The following GAB2 variants were observed in gnomAD, a reference collection of about 807,000 sequenced individuals.
The protein encoded by GAB2 is GRB2 associated binding protein 2, also known as GRB2-associated-binding protein 2.
GAB2 carries 26 observed loss-of-function variants against 65.5 expected under a neutral mutation model. The ratio of observed to expected loss-of-function variants is 0.40; its 90% CI spans 0.29 to 0.55. GAB2 has a LOEUF of 0.55. Ranked by LOEUF, GAB2 falls within the 20% of genes least tolerant of loss-of-function variation. The pLI, the probability that GAB2 is intolerant of heterozygous loss-of-function variation, is 0.53. For missense variants in GAB2, 884 were observed against 875.8 expected (o/e 1.01, Z -0.12); for synonymous variants, 321 against 329.6 (o/e 0.97, Z 0.28).
chr11:78,289,938 G>C (rs534304251), intron 1 of GAB2, among the ~76,000 whole-genome samples: 11 of 147,414 alleles, frequency 7.5e-5, no homozygotes, highest in African/African-American at 2.8e-4. Context: ...ATATGGAAAA[G>C]AGGGAGGAAA....
At chr11:78,314,040 G>C (rs547105214) in intron 1 of GAB2, among the ~76,000 whole-genome samples, 1 of 152,178 alleles carries the variant, frequency 6.6e-6, no homozygotes, top group Non-Finnish European at 1.5e-5. Context: ...TTAGCCTCTG[G>C]ATGTGGGAGT....
rs113823183 is a variant in GAB2 at position 78,394,440 on chromosome 11, C to T, written c.75+23206G>A. On this transcript the variant is annotated intron_variant, in intron 1 of 9. Coordinates refer to ENST00000361507, the MANE Select transcript of GAB2 (RefSeq NM_080491.3). ...GGATTCCCTGACCTACTATAATGTG[C>T]TGTATTTTGGGGTGGTCCTCTCCCT... Among the ~76,000 whole-genome samples the T allele has an allele frequency of 2.6e-3, 397 of 152,270 alleles. 3 individuals are homozygous for T. The highest frequency in any genetic ancestry group is 4.6e-3 in the Non-Finnish European group (310 of 68,024).
intron 1 of GAB2, among the ~76,000 whole-genome samples, chr11:78,348,562 A>G (rs984653015): frequency 6.6e-6 from 1 of 152,230 alleles, no homozygotes; most frequent in African/African-American, 2.4e-5. Flanking sequence ...CATTAGAATG[A>G]CTAAAATTAA....
At chr11:78,341,732 G>T in intron 1 of GAB2, 5 of 982,768 alleles carry the variant, frequency 5.1e-6, no homozygotes, top group Non-Finnish European at 6.0e-6. Context: ...GTACTTGCCC[G>T]CCATACTCTT....
At chr11:78,240,213 C>T (rs1865089813) in intron 3 of GAB2, among the ~76,000 whole-genome samples, 1 of 152,058 alleles carries the variant, frequency 6.6e-6, no homozygotes, top group African/African-American at 2.4e-5. Context: ...ATGAGGTACC[C>T]CAGTAGCTAA....
At chr11:78,400,815 A>G (rs528228940) in intron 1 of GAB2, among the ~76,000 whole-genome samples, 1 of 148,866 alleles carries the variant, frequency 6.7e-6, no homozygotes, top group South Asian at 2.2e-4. Flanking sequence ...AAGGCACAAG[A>G]ATTGCTTACG....
chr11:78,338,202 T>C (rs1420684864), intron 1 of GAB2, among the ~76,000 whole-genome samples: 1 of 152,240 alleles, frequency 6.6e-6, no homozygotes, highest in Non-Finnish European at 1.5e-5. Context: ...CTGGATAACA[T>C]AATGCCTATT....
chr11:78,245,008 C>T (rs1414797627), intron 3 of GAB2, among the ~76,000 whole-genome samples: 1 of 152,188 alleles, frequency 6.6e-6, no homozygotes, highest in Non-Finnish European at 1.5e-5. Context: ...CATCATTAGT[C>T]ACGATAGCCA....
intron 1 of GAB2, among the ~76,000 whole-genome samples, chr11:78,342,477 C>T (rs1325845949): frequency 7.0e-6 from 1 of 143,608 alleles, no homozygotes; most frequent in East Asian, 2.1e-4. Flanking sequence ...TGGCACATCT[C>T]GGCTCACTAC....
chr11:78,354,128 G>A lies in GAB2; in HGVS notation c.75+63518C>T, dbSNP rs112353618. Among the ~76,000 whole-genome samples, 203 of 152,256 alleles carry A rather than the reference G, an allele frequency of 1.3e-3. 1 individual carries two copies. Among genetic ancestry groups the A allele is most frequent in the African/African-American group, 4.8e-3 (198 of 41,558 alleles). On this transcript the variant is annotated intron_variant, in intron 1 of 9. Coordinates refer to ENST00000361507, the MANE Select transcript of GAB2 (RefSeq NM_080491.3). ...ATAACCTGTACCTTGGGCCCAGCAG[G>A]TGCTTATTATTGAAAGAATGATGGC... is the stretch of plus-strand genomic sequence containing the variant.
chr11:78,228,711 G>A (rs1864756923), intron 3 of GAB2, among the ~76,000 whole-genome samples: 1 of 151,968 alleles, frequency 6.6e-6, no homozygotes, highest in Non-Finnish European at 1.5e-5. Context: ...GCTCCTCCTT[G>A]GGCCTCTGCA....
At chr11:78,269,034 CTTTCTTTTTTTTTTA>C (rs1454027461) in intron 2 of GAB2, among the ~76,000 whole-genome samples, 2 of 142,768 alleles carry the variant, frequency 1.4e-5, no homozygotes, top group Non-Finnish European at 1.5e-5. Context: ...ACCTTTTTTT[CTTTCTTTTTTTTTTA>C]AAGGAATTAG....
intron 1 of GAB2, among the ~76,000 whole-genome samples, chr11:78,351,811 G>C (rs1856282530): frequency 6.6e-6 from 1 of 152,060 alleles, no homozygotes; most frequent in Non-Finnish European, 1.5e-5. Flanking sequence ...CAAGGAGACT[G>C]GTGAGAGAAA....
Position 78,336,330 on chromosome 11 carries a change from A to C in GAB2, c.76-55429T>G, listed in dbSNP as rs1296196474. ...CGACAGAGCGAGACTGTCTCTCAAAAAAAAAAAAAAAAAAAAAAAAAAAAA... is the reference window on the plus strand; with the variant it reads ...CGACAGAGCGAGACTGTCTCTCAAACAAAAAAAAAAAAAAAAAAAAAAAAA... On this transcript the variant is annotated intron_variant, in intron 1 of 9. Transcript: ENST00000361507. 3.7e-4 allele frequency among the ~76,000 whole-genome samples: 27 copies of C among 72,338 alleles called. 1 individual carries two copies. Among genetic ancestry groups the C allele is most frequent in the African/African-American group, 2.4e-3 (26 of 10,900 alleles). 47.5% of individuals were successfully genotyped at this position (72,338 alleles called of 152,430 possible).
intron 6 of GAB2, among the ~76,000 whole-genome samples, chr11:78,222,624 T>C (rs1301606010): frequency 6.6e-6 from 1 of 151,700 alleles, no homozygotes; most frequent in Non-Finnish European, 1.5e-5. Context: ...ACTCTGTTGC[T>C]CAGGCTGGAG....
At chr11:78,285,558 C>A (rs1866456700) in intron 1 of GAB2, among the ~76,000 whole-genome samples, 1 of 152,210 alleles carries the variant, frequency 6.6e-6, no homozygotes. Flanking sequence ...TTCCACCTCC[C>A]AGGTTCAGGC....
chr11:78,320,140 G>A (rs928777906), intron 1 of GAB2, among the ~76,000 whole-genome samples: 1 of 152,132 alleles, frequency 6.6e-6, no homozygotes, highest in African/African-American at 2.4e-5. Flanking sequence ...CAAAGTGCGG[G>A]GATTACAGGC....
chr11:78,244,841 T>C (rs931723937), intron 3 of GAB2, among the ~76,000 whole-genome samples: 2 of 152,170 alleles, frequency 1.3e-5, no homozygotes, highest in Non-Finnish European at 2.9e-5. Flanking sequence ...TTGGTGGGAA[T>C]GTAAATTAGT....
At chr11:78,284,612 T>C (rs997150998) in intron 1 of GAB2, among the ~76,000 whole-genome samples, 1 of 152,194 alleles carries the variant, frequency 6.6e-6, no homozygotes, top group Admixed American at 6.5e-5. Flanking sequence ...GATATTTCCA[T>C]TGCTTAATCT....
Sources: allele counts gnomAD v4.1 joint callset (sites outside exome capture counted in the v4.1 genomes callset), GRCh38; gene constraint gnomAD v4.1.1; transcripts MANE v1.5; gene names NCBI Gene and HGNC (gene_info 2026-07-23, HGNC 2026-07-21).